The following MED15 variants were observed in gnomAD, a reference collection of about 807,000 sequenced individuals.
MED15 encodes the protein mediator of RNA polymerase II transcription subunit 15.
A neutral mutation model predicts 118.7 loss-of-function variants in MED15; 41 were observed. The observed-to-expected ratio is 0.35, with a 90% CI of 0.27 to 0.45. The LOEUF (loss-of-function observed/expected upper bound fraction) is 0.45, where lower values mean the gene tolerates loss of function less well. MED15 is among the 20% of genes least tolerant of loss of function. The pLI is 1.00. For missense variants in MED15, 740 were observed against 1,025.5 expected, an observed-to-expected ratio of 0.72 and a Z score of 3.80; for synonymous variants, 436 against 413.9, an observed-to-expected ratio of 1.05 and a Z score of -0.65.
At chr22:20,523,620 G>T in intron 1 of MED15, 1 of 980,572 alleles carries the variant, frequency 1.0e-6, no homozygotes, top group Non-Finnish European at 1.2e-6. Context: ...TCAGCATTTG[G>T]GTTGGCAGAT....
At chr22:20,551,366 G>A in intron 2 of MED15, 70 bp from the exon 3 acceptor site, 1 of 1,401,820 alleles carries the variant, frequency 7.1e-7, no homozygotes, top group Non-Finnish European at 1.0e-6. Context: ...AGGCGAGGGG[G>A]CGGGAAGGGG....
intron 8 of MED15, among the ~76,000 whole-genome samples, chr22:20,571,565 C>T (rs570924325): frequency 7.9e-5 from 12 of 152,334 alleles, no homozygotes; most frequent in Admixed American, 2.0e-4. Flanking sequence ...CTGTAACCCG[C>T]ATTCTGCTGG....
At chr22:20,545,520 T>A (rs993217648) in intron 2 of MED15, among the ~76,000 whole-genome samples, 6 of 152,000 alleles carry the variant, frequency 3.9e-5, no homozygotes, top group African/African-American at 1.4e-4. Flanking sequence ...AAATTGATTT[T>A]GGTAATGCTG....
intron 1 of MED15, among the ~76,000 whole-genome samples, chr22:20,522,376 C>T (rs912485326): frequency 6.6e-6 from 1 of 152,126 alleles, no homozygotes; most frequent in Non-Finnish European, 1.5e-5. Context: ...CTGTCTGTAA[C>T]AGGCACTCTC....
At chr22:20,535,872 C>CTTTTTT (rs536712415) in intron 1 of MED15, among the ~76,000 whole-genome samples, 7 of 98,686 alleles carry the variant, frequency 7.1e-5, no homozygotes, top group Non-Finnish European at 1.2e-4. Flanking sequence ...TTCTTTCTTT[C>CTTTTTT]TTTTTTTTTT....
At chr22:20,551,304 C>G (rs778395104) in intron 2 of MED15, 132 bp from the exon 3 acceptor site, 13 of 854,890 alleles carry the variant, frequency 1.5e-5, no homozygotes, top group Admixed American at 3.4e-5. Flanking sequence ...CAGAGGAGGC[C>G]GAGCAAGCGT....
chr22:20,557,507 G>C (rs2056063463), intron 5 of MED15, among the ~76,000 whole-genome samples: 1 of 152,108 alleles, frequency 6.6e-6, no homozygotes, highest in South Asian at 2.1e-4. Context: ...GCTGGGTTTA[G>C]GGAGGACCCA....
At chr22:20,566,874 GT>G (rs1569231038) in intron 7 of MED15, 57 bp downstream of exon 7, 8 of 1,586,574 alleles carry the variant, frequency 5.0e-6, no homozygotes, top group East Asian at 2.2e-5. Context: ...GTCAGCAGTA[GT>G]TTCTAGGCTC....
At chr22:20,564,743 G>A (rs2056373734) in intron 6 of MED15, 55 bp downstream of exon 6, 7 of 1,606,652 alleles carry the variant, frequency 4.4e-6, no homozygotes, top group Non-Finnish European at 5.1e-6. Context: ...TGAGCCCTGG[G>A]CTGGCATCAG....
intron 9 of MED15, among the ~76,000 whole-genome samples, chr22:20,578,910 CCT>C (rs56024156): frequency 0.094 from 14,305 of 152,288 alleles, 1,235 homozygotes; most frequent in East Asian, 0.27. Context: ...AGGCTCCCTC[CCT>C]CTGTCTTGAC....
intron 5 of MED15, among the ~76,000 whole-genome samples, chr22:20,562,534 G>A (rs1442405561): frequency 6.6e-6 from 1 of 151,940 alleles, no homozygotes; most frequent in African/African-American, 2.4e-5. Flanking sequence ...ACAGGCACGT[G>A]CCACCATGCC....
intron 5 of MED15, among the ~76,000 whole-genome samples, chr22:20,559,312 C>T (rs2056138628): frequency 6.6e-6 from 1 of 151,996 alleles, no homozygotes; most frequent in Non-Finnish European, 1.5e-5. Flanking sequence ...ATGAACAGCG[C>T]ATTAGATACA....
chr22:20,572,765 A>G (rs1056205685), intron 8 of MED15, among the ~76,000 whole-genome samples: 2 of 152,160 alleles, frequency 1.3e-5, no homozygotes, highest in Admixed American at 1.3e-4. Context: ...CAAAAAAATA[A>G]AAATAAAAAG....
intron 1 of MED15, among the ~76,000 whole-genome samples, chr22:20,520,352 A>G (rs973715786): frequency 6.6e-6 from 1 of 152,176 alleles, no homozygotes; most frequent in Non-Finnish European, 1.5e-5. Context: ...TATGTGTGAG[A>G]CAGAGCCCCT....
intron 1 of MED15, among the ~76,000 whole-genome samples, chr22:20,510,038 T>C (rs2054008646): frequency 6.6e-6 from 1 of 152,178 alleles, no homozygotes; most frequent in African/African-American, 2.4e-5. Flanking sequence ...TATTGCTGTT[T>C]GTGTGTTTTT....
chr22:20,575,706 C>A (rs1282396719), intron 9 of MED15, among the ~76,000 whole-genome samples: 1 of 150,498 alleles, frequency 6.6e-6, no homozygotes, highest in Non-Finnish European at 1.5e-5. Flanking sequence ...ATACTATCTC[C>A]AATTAATTAT....
intron 1 of MED15, among the ~76,000 whole-genome samples, chr22:20,536,185 T>C (rs1258806704): frequency 3.9e-5 from 6 of 152,138 alleles, no homozygotes; most frequent in Non-Finnish European, 8.8e-5. Flanking sequence ...CACTTGTTTC[T>C]TTATCAGCAA....
chr22:20,581,525 G>T (rs1379351726), intron 9 of MED15, among the ~76,000 whole-genome samples: 1 of 152,174 alleles, frequency 6.6e-6, no homozygotes, highest in Non-Finnish European at 1.5e-5. Flanking sequence ...CTCCTAGGCA[G>T]ACTGTGAGGG....
Position 20,587,019 on chromosome 22 carries a change from C to T in MED15, c.*315C>T. ...TGTCCACGGTCCAGGTCCATCTCAGCAGCGTGAGGGTGCACTCAGGGTGTT... is the reference window on the plus strand; with the variant it reads ...TGTCCACGGTCCAGGTCCATCTCAGTAGCGTGAGGGTGCACTCAGGGTGTT... On this transcript the variant is annotated 3_prime_UTR_variant, in exon 18 of 18. Coordinates refer to ENST00000263205, the MANE Select transcript of MED15 (RefSeq NM_001003891.3). 2.3e-6 allele frequency: 1 copy of T among 436,392 alleles called. No homozygotes were observed. Among genetic ancestry groups the T allele is most frequent in the Non-Finnish European group, 4.2e-6 (1 of 237,150 alleles). The allele number at this position is 436,392 out of a possible 1,614,324, so 27.0% of individuals were successfully genotyped here. A position where few individuals can be genotyped will look rare whatever the true frequency, so the allele number is the denominator to read the frequency against.
Sources: gnomAD v4.1 joint callset for allele counts (sites outside exome capture counted in the v4.1 genomes callset) on GRCh38, gnomAD v4.1.1 for gene constraint, MANE v1.5 for transcripts, NCBI Gene and HGNC (gene_info 2026-07-23, HGNC 2026-07-21) for gene names.